GATAD2B: variants seen among roughly 807,000 people sequenced by gnomAD.
The protein encoded by GATAD2B is GATA zinc finger domain containing 2B, also known as transcriptional repressor p66-beta.
In GATAD2B, 8 loss-of-function variants were observed where a neutral mutation model predicts 64.3. The ratio of observed to expected loss-of-function variants is 0.12; its 90% CI spans 0.07 to 0.22. GATAD2B has a LOEUF of 0.22. GATAD2B is among the 10% of genes least tolerant of loss of function. GATAD2B has a pLI of 1.00. For synonymous variants in GATAD2B, 281 were observed against 271.3 expected (o/e 1.04, Z -0.35); for missense variants, 453 against 752.0 (o/e 0.60, Z 4.65).
chr1:153,878,592 CA>C lies in GATAD2B; in HGVS notation c.-2+44140del, dbSNP rs1216009352. The stretch of plus-strand genomic sequence containing the variant: ...GCTTTAACAAAAATATACAAGTTCC[CA>C]ATCAAATTAAGGAATTTCCTCTAGA... On this transcript the variant is annotated intron_variant, in intron 1 of 10. Coordinates refer to ENST00000368655, the MANE Select transcript of GATAD2B (RefSeq NM_020699.4). 2.0e-5 allele frequency among the ~76,000 whole-genome samples: 3 copies of C among 152,018 alleles called. No individual in the cohort carries two copies. In the East Asian group the frequency reaches 5.8e-4, roughly 29 times the overall value.
intron 1 of GATAD2B, among the ~76,000 whole-genome samples, chr1:153,903,327 T>C (rs956494868): frequency 2.0e-5 from 3 of 151,902 alleles, no homozygotes; most frequent in East Asian, 1.9e-4. Flanking sequence ...TTCGAGACAA[T>C]AGGCCTAAGA....
chr1:153,891,954 G>A (rs1467115265), intron 1 of GATAD2B, among the ~76,000 whole-genome samples: 3 of 151,654 alleles, frequency 2.0e-5, no homozygotes, highest in Admixed American at 6.6e-5. Context: ...ATGAGGTCAA[G>A]AAATCGAGAC....
At chr1:153,817,648 G>C in intron 5 of GATAD2B, 106 bp from the exon 6 acceptor site, 2 of 693,680 alleles carry the variant, frequency 2.9e-6, no homozygotes, top group Non-Finnish European at 4.5e-6. Flanking sequence ...TAGCTAAGTA[G>C]AAACACAGGA....
In GATAD2B at chr1:153,918,920, C is replaced by T. The variant is rs560149516; in HGVS notation, c.-2+3813G>A. 4.6e-5 allele frequency among the ~76,000 whole-genome samples: 7 copies of T among 152,000 alleles called. No individual in the cohort carries two copies. In the East Asian group the frequency reaches 9.6e-4, roughly 21 times the overall value. ...GAGCTGAGATCACACCACTGCACTC[C>T]AGCCTGGGCAACAAGAGCAAAACTC... On this transcript the variant is annotated intron_variant, in intron 1 of 10. Transcript: ENST00000368655.
chr1:153,878,154 C>T (rs1004587048), intron 1 of GATAD2B, among the ~76,000 whole-genome samples: 2 of 148,314 alleles, frequency 1.3e-5, no homozygotes, highest in Non-Finnish European at 3.0e-5. Context: ...TAGGTCCCAT[C>T]CTGCAATCTT....
intron 2 of GATAD2B, among the ~76,000 whole-genome samples, chr1:153,826,737 TGA>T (rs1288526413): frequency 6.6e-6 from 1 of 151,878 alleles, no homozygotes; most frequent in African/African-American, 2.4e-5. Context: ...GCTGAGAGTT[TGA>T]GACCAGCCTG....
At chr1:153,908,052 C>G (rs1220613105) in intron 1 of GATAD2B, among the ~76,000 whole-genome samples, 1 of 152,172 alleles carries the variant, frequency 6.6e-6, no homozygotes, top group Non-Finnish European at 1.5e-5. Flanking sequence ...ATCTGCCTGC[C>G]TTGGCCTCCC....
At chr1:153,915,958 T>C (rs183016110) in intron 1 of GATAD2B, among the ~76,000 whole-genome samples, 5 of 152,212 alleles carry the variant, frequency 3.3e-5, no homozygotes, top group Admixed American at 2.0e-4. Context: ...TTAGACTATT[T>C]TGAAGGCACG....
intron 1 of GATAD2B, among the ~76,000 whole-genome samples, chr1:153,906,661 A>T (rs1677946863): frequency 6.6e-6 from 1 of 152,186 alleles, no homozygotes. Flanking sequence ...GATAAACTGG[A>T]CTTCATCAAA....
intron 1 of GATAD2B, among the ~76,000 whole-genome samples, chr1:153,829,152 C>T (rs748467723): frequency 1.3e-5 from 2 of 152,074 alleles, no homozygotes; most frequent in Non-Finnish European, 2.9e-5. Flanking sequence ...CTGCACTGAG[C>T]CTGATCGTAC....
intron 1 of GATAD2B, among the ~76,000 whole-genome samples, chr1:153,906,096 C>A (rs1403021605): frequency 6.7e-6 from 1 of 149,728 alleles, no homozygotes; most frequent in East Asian, 2.0e-4. Flanking sequence ...CCCTCCCCCG[C>A]ACCCCACACA....
At chr1:153,894,831 C>T (rs1677533271) in intron 1 of GATAD2B, among the ~76,000 whole-genome samples, 1 of 151,998 alleles carries the variant, frequency 6.6e-6, no homozygotes, top group Non-Finnish European at 1.5e-5. Flanking sequence ...CACTGCACTC[C>T]AGCCTGGGTG....
At chr1:153,893,071 A>G (rs2101951813) in intron 1 of GATAD2B, among the ~76,000 whole-genome samples, 1 of 152,246 alleles carries the variant, frequency 6.6e-6, no homozygotes, top group South Asian at 2.1e-4. Context: ...GCTGTACCTA[A>G]ACACAGTACA....
At chr1:153,893,328 G>C (rs1325186847) in intron 1 of GATAD2B, among the ~76,000 whole-genome samples, 2 of 152,116 alleles carry the variant, frequency 1.3e-5, no homozygotes, top group African/African-American at 4.8e-5. Flanking sequence ...ATCCCAGCTG[G>C]GCACGGGCCG....
intron 7 of GATAD2B, among the ~76,000 whole-genome samples, chr1:153,815,654 GA>G (rs905020481): frequency 6.2e-5 from 9 of 145,734 alleles, no homozygotes; most frequent in African/African-American, 2.3e-4. Context: ...CTGCTGAAGG[GA>G]AAAAAAAACA....
intron 1 of GATAD2B, among the ~76,000 whole-genome samples, chr1:153,888,693 T>C (rs1677260890): frequency 6.6e-6 from 1 of 152,208 alleles, no homozygotes; most frequent in Non-Finnish European, 1.5e-5. Context: ...GTTTATCTCT[T>C]TTGCCACAGA....
At chr1:153,838,520 T>C (rs1206079643) in intron 1 of GATAD2B, among the ~76,000 whole-genome samples, 1 of 151,928 alleles carries the variant, frequency 6.6e-6, no homozygotes, top group Non-Finnish European at 1.5e-5. Context: ...TTTTTCCCCC[T>C]TTTTTGAGTC....
chr1:153,889,360 C>T (rs144729581), intron 1 of GATAD2B, among the ~76,000 whole-genome samples: 1,470 of 137,388 alleles, frequency 0.011, 26 homozygotes, highest in African/African-American at 0.038. Flanking sequence ...TCTGGTGAAC[C>T]GAGATCGTGC....
intron 1 of GATAD2B, chr1:153,922,124 A>C (rs1188959737): frequency 1.3e-5 from 2 of 151,958 alleles, no homozygotes; most frequent in African/African-American, 4.8e-5. Flanking sequence ...CGACGAAATA[A>C]AGGGGTAAGG....
Sources: allele counts gnomAD v4.1 joint callset (sites outside exome capture counted in the v4.1 genomes callset), GRCh38; gene constraint gnomAD v4.1.1; transcripts MANE v1.5; gene names NCBI Gene and HGNC (gene_info 2026-07-23, HGNC 2026-07-21).